PTBP3: variants seen among roughly 807,000 people sequenced by gnomAD.
The protein encoded by PTBP3 is polypyrimidine tract binding protein 3.
A neutral mutation model predicts 58.7 loss-of-function variants in PTBP3; 20 were observed. The observed-to-expected ratio is 0.34, with a 90% CI of 0.24 to 0.50. The LOEUF (loss-of-function observed/expected upper bound fraction) is 0.50, where lower values mean the gene tolerates loss of function less well. PTBP3 is among the 20% of genes least tolerant of loss of function. PTBP3 has a pLI of 0.98. For missense variants in PTBP3, 509 were observed against 637.2 expected (o/e 0.80, Z 2.17); for synonymous variants, 185 against 219.8 (o/e 0.84, Z 1.40).
chr9:112,349,675 A>G, the PTBP3 span, among the ~76,000 whole-genome samples: 1 of 151,960 alleles, frequency 6.6e-6, no homozygotes, highest in Non-Finnish European at 1.5e-5. Context: ...CCTGGCCAAC[A>G]TGGTGAAACC....
At chr9:112,276,571 T>C (rs1439052448) in intron 2 of PTBP3, among the ~76,000 whole-genome samples, 1 of 152,034 alleles carries the variant, frequency 6.6e-6, no homozygotes, top group Non-Finnish European at 1.5e-5. Context: ...TTATTCCTTA[T>C]TATATAACAA....
At chr9:112,237,968 T>C (rs1387176310) in intron 7 of PTBP3, among the ~76,000 whole-genome samples, 1 of 152,144 alleles carries the variant, frequency 6.6e-6, no homozygotes, top group African/African-American at 2.4e-5. Flanking sequence ...TAAATTTAGG[T>C]TGAAATGATC....
intron 2 of PTBP3, among the ~76,000 whole-genome samples, chr9:112,280,800 T>C (rs1347257514): frequency 6.9e-6 from 1 of 145,182 alleles, no homozygotes; most frequent in African/African-American, 2.6e-5. Context: ...TATATATATA[T>C]AGTGATTTTT....
At chr9:112,237,730 G>C (rs900823348) in intron 7 of PTBP3, among the ~76,000 whole-genome samples, 11 of 152,146 alleles carry the variant, frequency 7.2e-5, no homozygotes, top group African/African-American at 2.7e-4. Context: ...AGCCCACAGT[G>C]AGAAGTCAAC....
At chr9:112,294,462 G>A (rs1828581646) in intron 2 of PTBP3, among the ~76,000 whole-genome samples, 1 of 152,166 alleles carries the variant, frequency 6.6e-6, no homozygotes, top group Non-Finnish European at 1.5e-5. Flanking sequence ...AGGCTGCAGT[G>A]AGCCGTGTTT....
chr9:112,280,031 T>A (rs1276346108), intron 2 of PTBP3, among the ~76,000 whole-genome samples: 2 of 152,048 alleles, frequency 1.3e-5, no homozygotes, highest in Non-Finnish European at 2.9e-5. Flanking sequence ...ACATACACAG[T>A]TTTCTTACTC....
the PTBP3 span, among the ~76,000 whole-genome samples, chr9:112,375,770 T>C: frequency 6.6e-6 from 1 of 152,194 alleles, no homozygotes; most frequent in Non-Finnish European, 1.5e-5. Flanking sequence ...TATGGCTAGA[T>C]GGGTCAGAAA....
intron 2 of PTBP3, among the ~76,000 whole-genome samples, chr9:112,288,184 G>A (rs1200473031): frequency 1.3e-5 from 2 of 152,082 alleles, no homozygotes; most frequent in African/African-American, 2.4e-5. Context: ...CTGGTGTCAG[G>A]TGCCCTTGAG....
the PTBP3 span, among the ~76,000 whole-genome samples, chr9:112,356,705 T>C: frequency 6.6e-6 from 1 of 151,954 alleles, no homozygotes; most frequent in South Asian, 2.1e-4. Flanking sequence ...TAGCTCCAAG[T>C]TGAGGAAAAC....
upstream of PTBP3, among the ~76,000 whole-genome samples, chr9:112,336,243 A>G (rs1035513789): frequency 6.6e-6 from 1 of 152,198 alleles, no homozygotes; most frequent in Non-Finnish European, 1.5e-5. Flanking sequence ...AGTATTCAAA[A>G]TAACTAACAC....
chr9:112,363,005 T>G, the PTBP3 span: 3 of 223,780 alleles, frequency 1.3e-5, no homozygotes, highest in East Asian at 3.6e-4. Flanking sequence ...TGTCCTGAGA[T>G]AGCTCACAAT....
At chr9:112,334,784 C>T (rs1243012957), upstream of PTBP3, among the ~76,000 whole-genome samples, 3 of 152,164 alleles carry the variant, frequency 2.0e-5, no homozygotes, top group Admixed American at 2.0e-4. Context: ...CCGGGCACTG[C>T]ATGAATACAC....
upstream of PTBP3, among the ~76,000 whole-genome samples, chr9:112,337,562 C>T (rs1312423210): frequency 6.6e-6 from 1 of 152,222 alleles, no homozygotes; most frequent in African/African-American, 2.4e-5. Flanking sequence ...CTGATGGGTT[C>T]TATATACTGG....
At position 112,219,634 on chromosome 9, in the gene PTBP3, T is replaced by C. The variant is rs1564379203; in HGVS notation, c.*4217A>G. 1 of 152,670 alleles carries C rather than the reference T, an allele frequency of 6.6e-6. No individual in the cohort carries two copies. The highest frequency in any genetic ancestry group is 2.1e-4 in the South Asian group (1 of 4,832). The allele number at this position is 152,670 out of a possible 1,614,324, so 9.5% of individuals were successfully genotyped here. ...AGGCAAAAGTGTAACTGAGACTTTA[T>C]TTATAGTTACAATTCTTTGCTTGGA... On this transcript the variant is annotated 3_prime_UTR_variant, in exon 14 of 14. Coordinates refer to ENST00000374257, the MANE Select transcript of PTBP3 (RefSeq NM_001163788.4).
chr9:112,357,349 TTTTG>T, the PTBP3 span, among the ~76,000 whole-genome samples: 239 of 152,196 alleles, frequency 1.6e-3, 1 homozygote, highest in African/African-American at 3.9e-3. Flanking sequence ...GTTGTTGTTG[TTTTG>T]TTTGTTTGTT....
intron 1 of PTBP3, among the ~76,000 whole-genome samples, chr9:112,311,531 C>T (rs1829473220): frequency 6.6e-6 from 1 of 152,084 alleles, no homozygotes. Flanking sequence ...ATGCAAAACC[C>T]AGTTATATGA....
chr9:112,246,474 C>T lies in PTBP3; in HGVS notation c.802+4455G>A, dbSNP rs373708208. Among the ~76,000 whole-genome samples, 342 of 151,792 alleles carry T rather than the reference C, an allele frequency of 2.3e-3. 1 individual carries two copies. The highest frequency in any genetic ancestry group is 4.8e-3 in the South Asian group (23 of 4,792). ...CTTCGGGAGGCTGAGGCGGGCGGAT[C>T]ACGAGGTCAGGAGATTGAGACCATC... On this transcript the variant is annotated intron_variant, in intron 7 of 13. Transcript: ENST00000374257.
At chr9:112,313,885 G>A (rs528811178) in intron 1 of PTBP3, among the ~76,000 whole-genome samples, 7 of 152,276 alleles carry the variant, frequency 4.6e-5, no homozygotes, top group South Asian at 4.1e-4. Flanking sequence ...TCTCCATACC[G>A]ATGAATTCAT....
intron 1 of PTBP3, chr9:112,332,987 A>G: frequency 1.9e-5 from 25 of 1,316,590 alleles, no homozygotes; most frequent in Non-Finnish European, 2.4e-5. Flanking sequence ...CCAGACGTGT[A>G]CCGACGCGTG....
Sources: gnomAD v4.1 joint callset for allele counts (sites outside exome capture counted in the v4.1 genomes callset) on GRCh38, gnomAD v4.1.1 for gene constraint, MANE v1.5 for transcripts, NCBI Gene and HGNC (gene_info 2026-07-23, HGNC 2026-07-21) for gene names.